SLC14A2: variants seen among roughly 807,000 people sequenced by gnomAD.
SLC14A2 encodes solute carrier family 14 member 2.
SLC14A2 carries 91 observed loss-of-function variants against 104.6 expected under a neutral mutation model. The observed-to-expected ratio is 0.87, with a 90% CI of 0.73 to 1.04. The LOEUF is 1.04. SLC14A2 is among the 50% of genes least tolerant of loss of function. The pLI, the probability that SLC14A2 is intolerant of heterozygous loss-of-function variation, is 0.00. For synonymous variants in SLC14A2, 476 were observed against 466.4 expected, an observed-to-expected ratio of 1.02 and a Z score of -0.27; for missense variants, 1,189 against 1,156.0, an observed-to-expected ratio of 1.03 and a Z score of -0.41.
At chr18:45,579,010 C>T (rs1225926614) in intron 2 of SLC14A2, among the ~76,000 whole-genome samples, 1 of 152,192 alleles carries the variant, frequency 6.6e-6, no homozygotes, top group Non-Finnish European at 1.5e-5. Flanking sequence ...CTCAGCTCTG[C>T]TCCATGTGGT....
At chr18:45,324,452 T>A (rs905066397) in intron 1 of SLC14A2, among the ~76,000 whole-genome samples, 1 of 152,088 alleles carries the variant, frequency 6.6e-6, no homozygotes, top group Non-Finnish European at 1.5e-5. Flanking sequence ...AAACAAGAAG[T>A]CAGGAAAGTT....
chr18:45,229,201 G>C (rs541755301), intron 1 of SLC14A2, among the ~76,000 whole-genome samples: 3 of 152,206 alleles, frequency 2.0e-5, no homozygotes, highest in Admixed American at 1.3e-4. Flanking sequence ...TTCTTTTCTT[G>C]TAAGCCCCTG....
chr18:45,682,393 C>T lies in SLC14A2; in HGVS notation c.2637C>T (p.Pro879=), dbSNP rs147824419. The part of the protein sequence containing the change: ...LTFLLLTTNN[P]AIYKLPLSKV... ...TCCTGCTCCTGACGACCAATAACCCCGCCATCTACAAGCTCCCGCTCAGCA... is the reference window on the plus strand; with the variant it reads ...TCCTGCTCCTGACGACCAATAACCCTGCCATCTACAAGCTCCCGCTCAGCA... The change falls in exon 20 of 20, where the codon CCC becomes CCT. Residue 879 remains proline (P), a synonymous_variant. Coordinates refer to ENST00000255226, the MANE Select transcript of SLC14A2 (RefSeq NM_007163.4). The T allele has an allele frequency of 2.4e-5, 38 of 1,614,052 alleles. 2 individuals carry two copies. Among genetic ancestry groups the T allele is most frequent in the South Asian group, 6.6e-5 (6 of 91,076 alleles).
intron 1 of SLC14A2, among the ~76,000 whole-genome samples, chr18:45,478,810 C>T (rs555023241): frequency 6.6e-6 from 1 of 152,176 alleles, no homozygotes; most frequent in South Asian, 2.1e-4. Flanking sequence ...GTTGCCAAGA[C>T]CAATTAAAGT....
intron 16 of SLC14A2, among the ~76,000 whole-genome samples, chr18:45,669,772 A>G (rs984688889): frequency 6.6e-6 from 1 of 152,232 alleles, no homozygotes; most frequent in Non-Finnish European, 1.5e-5. Flanking sequence ...AGGGAGGAGC[A>G]AAGTCAAGAC....
intron 1 of SLC14A2, among the ~76,000 whole-genome samples, chr18:45,276,528 G>C (rs900952819): frequency 1.3e-5 from 2 of 152,140 alleles, no homozygotes; most frequent in Non-Finnish European, 2.9e-5. Context: ...TGGAGAGTGT[G>C]GTGTGTTCAG....
At chr18:45,453,350 C>G (rs2086887462) in intron 1 of SLC14A2, among the ~76,000 whole-genome samples, 1 of 152,146 alleles carries the variant, frequency 6.6e-6, no homozygotes, top group African/African-American at 2.4e-5. Context: ...GCAACTCACT[C>G]TGGGCACAAA....
intron 1 of SLC14A2, among the ~76,000 whole-genome samples, chr18:45,435,032 T>G (rs796662160): frequency 5.3e-5 from 8 of 152,330 alleles, no homozygotes; most frequent in African/African-American, 1.7e-4. Context: ...TTTTCTATAA[T>G]TCAAGACTCT....
At chr18:45,582,652 G>A (rs1008413844) in intron 2 of SLC14A2, among the ~76,000 whole-genome samples, 3 of 152,194 alleles carry the variant, frequency 2.0e-5, no homozygotes, top group African/African-American at 7.2e-5. Flanking sequence ...AGGGGATGAT[G>A]TTCCTGGGTC....
chr18:45,183,744 T>A, the SLC14A2 span, among the ~76,000 whole-genome samples: 1 of 151,586 alleles, frequency 6.6e-6, no homozygotes, highest in East Asian at 1.9e-4. Flanking sequence ...TTCTTTTCTT[T>A]CTTTCAAGAC....
At chr18:45,188,725 T>C in the SLC14A2 span, among the ~76,000 whole-genome samples, 152 of 152,314 alleles carry the variant, frequency 1.0e-3, no homozygotes, top group South Asian at 4.6e-3. Context: ...GAACTTTCTT[T>C]CCTTGCCCAA....
intron 14 of SLC14A2, among the ~76,000 whole-genome samples, 162 bp from the exon 15 acceptor site, chr18:45,668,187 A>G (rs2046062965): frequency 6.6e-6 from 1 of 152,226 alleles, no homozygotes. Context: ...CTAGAGAAAT[A>G]TGAAGGATTC....
chr18:45,370,219 C>T (rs970000579), intron 1 of SLC14A2, among the ~76,000 whole-genome samples: 8 of 152,126 alleles, frequency 5.3e-5, no homozygotes, highest in African/African-American at 1.9e-4. Flanking sequence ...CATGGGAGAA[C>T]CCAGGGTGAC....
chr18:45,563,492 CATTTTAAA>C (rs1166238804), intron 2 of SLC14A2, among the ~76,000 whole-genome samples: 2 of 152,210 alleles, frequency 1.3e-5, no homozygotes, highest in African/African-American at 4.8e-5. Context: ...ACAAATTACA[CATTTTAAA>C]AAGCTGACAA....
intron 1 of SLC14A2, among the ~76,000 whole-genome samples, chr18:45,457,996 G>C (rs1174036687): frequency 1.3e-5 from 2 of 152,188 alleles, no homozygotes; most frequent in Non-Finnish European, 2.9e-5. Flanking sequence ...ACACACATGT[G>C]AGCCTTCGTA....
At chr18:45,607,512 C>T (rs2044891661) in intron 2 of SLC14A2, among the ~76,000 whole-genome samples, 1 of 152,168 alleles carries the variant, frequency 6.6e-6, no homozygotes, top group South Asian at 2.1e-4. Flanking sequence ...CCTTTTCCTC[C>T]ATAAAAAGTA....
At chr18:45,486,120 T>C (rs937872021) in intron 2 of SLC14A2, among the ~76,000 whole-genome samples, 1 of 152,184 alleles carries the variant, frequency 6.6e-6, no homozygotes, top group Non-Finnish European at 1.5e-5. Context: ...AAAGTCATCA[T>C]TAGAATTCTG....
intron 2 of SLC14A2, among the ~76,000 whole-genome samples, chr18:45,544,675 C>T (rs1598986549): frequency 1.3e-5 from 2 of 151,556 alleles, no homozygotes; most frequent in East Asian, 1.9e-4. Flanking sequence ...TCTTGGTATC[C>T]ATAAATAGCT....
chr18:45,224,829 C>T (rs1343636171), intron 1 of SLC14A2, among the ~76,000 whole-genome samples: 1 of 152,130 alleles, frequency 6.6e-6, no homozygotes, highest in African/African-American at 2.4e-5. Flanking sequence ...CCATTATAGA[C>T]ATTGCCTCTT....
Sources: allele counts gnomAD v4.1 joint callset (sites outside exome capture counted in the v4.1 genomes callset), GRCh38; gene constraint gnomAD v4.1.1; transcripts MANE v1.5; gene names NCBI Gene and HGNC (gene_info 2026-07-23, HGNC 2026-07-21).